Variants in PXDNL observed in about 807,000 individuals in gnomAD.
The protein encoded by PXDNL is probable oxidoreductase PXDNL.
PXDNL carries 145 observed loss-of-function variants against 150.8 expected under a neutral mutation model. The ratio of observed to expected loss-of-function variants is 0.96; its 90% CI spans 0.84 to 1.10. The LOEUF is 1.10. Among genes scored for constraint, PXDNL ranks in the 50% least tolerant of loss-of-function variants. The probability of loss-of-function intolerance (pLI) is 0.00; values close to 1 mark genes in which losing one functional copy is unlikely to be tolerated. For missense variants in PXDNL, 2,087 were observed against 1,873.9 expected (o/e 1.11, Z -2.10); for synonymous variants, 757 against 725.7 (o/e 1.04, Z -0.69).
chr8:51,657,401 C>T (rs1161852426), intron 1 of PXDNL, among the ~76,000 whole-genome samples: 2 of 152,180 alleles, frequency 1.3e-5, no homozygotes, highest in Non-Finnish European at 2.9e-5. Flanking sequence ...TTCCCTTCCA[C>T]TACATATTTT....
chr8:51,328,310 G>A (rs1175547942), intron 21 of PXDNL, among the ~76,000 whole-genome samples: 2 of 152,182 alleles, frequency 1.3e-5, no homozygotes, highest in African/African-American at 4.8e-5. Context: ...GTTCTCTGGA[G>A]AACTCTGACT....
chr8:51,452,935 A>ATACACAC (rs1809839333), intron 10 of PXDNL, among the ~76,000 whole-genome samples: 2 of 142,566 alleles, frequency 1.4e-5, no homozygotes, highest in Non-Finnish European at 3.1e-5. Flanking sequence ...CACACACACA[A>ATACACAC]ACACACACAC....
At chr8:51,466,553 T>G (rs987896884) in intron 8 of PXDNL, among the ~76,000 whole-genome samples, 3 of 152,114 alleles carry the variant, frequency 2.0e-5, no homozygotes, top group Non-Finnish European at 2.9e-5. Context: ...TGGGACCTAA[T>G]TAAACTAAAG....
At chr8:51,332,491 G>A (rs11780044) in intron 21 of PXDNL, among the ~76,000 whole-genome samples, 4 of 151,736 alleles carry the variant, frequency 2.6e-5, no homozygotes, top group African/African-American at 7.3e-5. Flanking sequence ...CCTGACTTAC[G>A]AGAAAAAGAA....
chr8:51,335,001 T>C (rs537770296), intron 21 of PXDNL, among the ~76,000 whole-genome samples: 27 of 152,364 alleles, frequency 1.8e-4, no homozygotes, highest in African/African-American at 5.8e-4. Context: ...ACATTACCTG[T>C]CTCCTAATTT....
At chr8:51,499,004 A>G (rs898998839) in intron 5 of PXDNL, among the ~76,000 whole-genome samples, 20 of 152,228 alleles carry the variant, frequency 1.3e-4, no homozygotes, top group South Asian at 4.1e-4. Flanking sequence ...ATGCTGCTGC[A>G]ATACAAGAAC....
chr8:51,477,364 G>A (rs1810503477), intron 6 of PXDNL, among the ~76,000 whole-genome samples: 1 of 152,192 alleles, frequency 6.6e-6, no homozygotes, highest in East Asian at 1.9e-4. Flanking sequence ...ACACTAACGT[G>A]AGAATATAAA....
Position 51,423,618 on chromosome 8 carries a change from A to T in PXDNL, c.1752T>A (p.Asn584Lys), listed in dbSNP as rs748557631. Residue 584 changes from asparagine to lysine, a missense_variant, in exon 14 of 23, where the codon AAT becomes AAA. Transcript: ENST00000356297. ...DQGRYECVARNSFGLAVTNMF... is the reference protein window; with the variant it reads ...DQGRYECVARKSFGLAVTNMF... ...TGTTGGTCACAGCAAGGCCAAAAGA[A>T]TTCCGAGCCACACATTCATATCTTC... The T allele has an allele frequency of 1.9e-6, 3 of 1,613,898 alleles. No homozygotes were observed. Among genetic ancestry groups the T allele is most frequent in the Non-Finnish European group, 2.5e-6 (3 of 1,179,836 alleles).
At chr8:51,527,869 C>A (rs148012264) in intron 4 of PXDNL, among the ~76,000 whole-genome samples, 1 of 152,160 alleles carries the variant, frequency 6.6e-6, no homozygotes, top group Non-Finnish European at 1.5e-5. Flanking sequence ...GAAAAGGAAG[C>A]TTGCTTGGAG....
intron 1 of PXDNL, among the ~76,000 whole-genome samples, chr8:51,729,377 T>G (rs1441282969): frequency 6.6e-6 from 1 of 152,058 alleles, no homozygotes; most frequent in Admixed American, 6.5e-5. Context: ...GATATACAGA[T>G]GAGAAATAAG....
intron 3 of PXDNL, among the ~76,000 whole-genome samples, chr8:51,560,249 T>C (rs1056398257): frequency 2.0e-5 from 3 of 152,002 alleles, no homozygotes; most frequent in African/African-American, 4.8e-5. Context: ...CAAAGTGATC[T>C]AAAAATTTAA....
At chr8:51,472,094 A>G (rs1585499986) in intron 8 of PXDNL, 93 bp downstream of exon 8, 11 of 750,230 alleles carry the variant, frequency 1.5e-5, no homozygotes, top group Admixed American at 5.0e-5. Flanking sequence ...AAATTTTAGT[A>G]ATTTCTTCTC....
chr8:51,346,004 A>C, intron 19 of PXDNL, 57 bp from the exon 20 acceptor site: 310 of 1,031,006 alleles, frequency 3.0e-4, no homozygotes, highest in Non-Finnish European at 4.3e-4. Flanking sequence ...TCATGATCTC[A>C]TCTAGATCAT....
intron 1 of PXDNL, among the ~76,000 whole-genome samples, chr8:51,805,693 T>C (rs1161357843): frequency 6.6e-6 from 1 of 152,160 alleles, no homozygotes; most frequent in Non-Finnish European, 1.5e-5. Flanking sequence ...AATTTCACAT[T>C]GTAAATACTT....
At chr8:51,388,855 C>G (rs1807805691) in intron 17 of PXDNL, among the ~76,000 whole-genome samples, 1 of 152,044 alleles carries the variant, frequency 6.6e-6, no homozygotes, top group African/African-American at 2.4e-5. Context: ...GTTTCACTAG[C>G]TACTGAGATC....
chr8:51,398,205 C>G (rs374520884), intron 17 of PXDNL, among the ~76,000 whole-genome samples: 2 of 152,206 alleles, frequency 1.3e-5, no homozygotes, highest in Non-Finnish European at 2.9e-5. Flanking sequence ...AGTTTCCCTT[C>G]GGGAGAAATC....
At chr8:51,768,958 TG>T (rs1269123521) in intron 1 of PXDNL, among the ~76,000 whole-genome samples, 1 of 152,114 alleles carries the variant, frequency 6.6e-6, no homozygotes, top group Non-Finnish European at 1.5e-5. Context: ...AAAAATTAGC[TG>T]GGAGTGGTGG....
At chr8:51,365,377 A>G (rs1563375925) in intron 19 of PXDNL, among the ~76,000 whole-genome samples, 1 of 152,258 alleles carries the variant, frequency 6.6e-6, no homozygotes, top group Non-Finnish European at 1.5e-5. Context: ...ACATCACATC[A>G]GGTATTACAG....
chr8:51,611,082 G>A lies in PXDNL; in HGVS notation c.237-18384C>T, dbSNP rs71513537. ...CAGGGTCATTGTATGGGTATTAGGG[G>A]GTCATCTTGGAATTTCTCCTATCAC... On this transcript the variant is annotated intron_variant, in intron 2 of 22. Transcript: ENST00000356297. Among the ~76,000 whole-genome samples the A allele has an allele frequency of 3.7e-4, 57 of 152,136 alleles. 1 individual carries two copies. The highest frequency in any genetic ancestry group is 1.3e-3 in the African/African-American group (53 of 41,500).
Sources: allele counts gnomAD v4.1 joint callset (sites outside exome capture counted in the v4.1 genomes callset), GRCh38; gene constraint gnomAD v4.1.1; transcripts MANE v1.5; gene names NCBI Gene and HGNC (gene_info 2026-07-23, HGNC 2026-07-21).